TEX19: variants seen among roughly 807,000 people sequenced by gnomAD.
The protein encoded by TEX19 is testis expressed 19.
For synonymous variants in TEX19, 77 were observed against 73.9 expected (o/e 1.04, Z -0.21); for missense variants, 184 against 194.4 (o/e 0.95, Z 0.32).
At chr17:82,360,925 C>T (rs1175807138) in intron 1 of TEX19, among the ~76,000 whole-genome samples, 3 of 133,100 alleles carry the variant, frequency 2.3e-5, no homozygotes, top group African/African-American at 5.9e-5. Flanking sequence ...TCAGGTTCCC[C>T]CAGTTTCCCT....
At chr17:82,361,279 GTTTCCCCCA>G (rs2052390287) in intron 1 of TEX19, among the ~76,000 whole-genome samples, 1 of 7,814 alleles carries the variant, frequency 1.3e-4, no homozygotes, top group Non-Finnish European at 2.0e-4. Flanking sequence ...GTTTCCCTCA[GTTTCCCCCA>G]GTTTCCCTCA....
intron 1 of TEX19, 122 bp from the exon 2 acceptor site, chr17:82,361,758 T>C: frequency 9.6e-7 from 1 of 1,039,400 alleles, no homozygotes; most frequent in South Asian, 3.6e-5. Flanking sequence ...CTGTTCAAAC[T>C]GAGCAGGGTC....
Position 82,361,937 on chromosome 17 carries a change from C to T in TEX19, c.-214C>T. ...AAGACATTTCCAGAAGTTCAAGCTT[C>T]CACCCTCTGCAGGTCCCCACTGAGC... On this transcript the variant is annotated 5_prime_UTR_variant, in exon 2 of 2. Coordinates refer to ENST00000333437, the MANE Select transcript of TEX19 (RefSeq NM_207459.4). The T allele has an allele frequency of 1.3e-6, 1 of 758,210 alleles. No homozygotes were observed. Among genetic ancestry groups the T allele is most frequent in the South Asian group, 2.2e-5 (1 of 45,812 alleles). The allele number at this position is 758,210 out of a possible 1,614,324, so 47.0% of individuals were successfully genotyped here.
rs1179154699 is a variant in TEX19 at position 82,362,374 on chromosome 17, G to A, written c.224G>A (p.Gly75Glu). The A allele has an allele frequency of 6.2e-7, 1 of 1,613,508 alleles. No homozygotes were observed. The change falls in exon 2 of 2, where the codon GGG becomes GAG. Residue 75 changes from glycine (G) to glutamate (E), a missense_variant. Coordinates refer to ENST00000333437, the MANE Select transcript of TEX19 (RefSeq NM_207459.4). This position sits in a 1 kb window ranked among gnomAD's most constrained non-coding sequence, Gnocchi z 5.5. ...EHTEAESEQE[G>E]SSGMELSWGQ... The stretch of plus-strand genomic sequence containing the variant: ...ACTGAGGCAGAGTCAGAGCAGGAGG[G>A]GTCCTCAGGGATGGAGCTGAGCTGG...
chr17:82,362,895 C>G lies in TEX19; in HGVS notation c.*250C>G. 3 of 482,258 alleles carry G rather than the reference C, an allele frequency of 6.2e-6. No individual in the cohort carries two copies. The highest frequency in any genetic ancestry group is 2.0e-5 in the African/African-American group (1 of 51,070). 29.9% of individuals were successfully genotyped at this position (482,258 alleles called of 1,614,324 possible). A position where few individuals can be genotyped will look rare whatever the true frequency, so the allele number is the denominator to read the frequency against. ...GTGGGTGGTGAGACTCCAAGATGCACCCCAAGAGCAGGACCTGCACTGGTG... is the reference window on the plus strand; with the variant it reads ...GTGGGTGGTGAGACTCCAAGATGCAGCCCAAGAGCAGGACCTGCACTGGTG... On this transcript the variant is annotated 3_prime_UTR_variant, in exon 2 of 2. Transcript: ENST00000333437. This position sits in a 1 kb window ranked among gnomAD's most constrained non-coding sequence, Gnocchi z 5.5.
intron 1 of TEX19, among the ~76,000 whole-genome samples, chr17:82,360,595 G>A (rs1339681629): frequency 2.4e-5 from 2 of 82,750 alleles, no homozygotes; most frequent in Non-Finnish European, 4.6e-5. Context: ...TTTCCCTCAG[G>A]TTCCCCCAGT....
chr17:82,363,749 TA>T lies in TEX19; in HGVS notation c.*1109del, dbSNP rs35707032. 1 of 166,994 alleles carries T rather than the reference TA, an allele frequency of 6.0e-6. No homozygotes were observed. The highest frequency in any genetic ancestry group is 1.9e-4 in the East Asian group (1 of 5,186). 10.3% of individuals were successfully genotyped at this position (166,994 alleles called of 1,614,324 possible). A position where few individuals can be genotyped will look rare whatever the true frequency, so the allele number is the denominator to read the frequency against. Reference sequence around the variant, plus strand: ...TTGCTCTATATGTTGTTTTTAATTTTAAAAAGTCATAAAAGCTTTCAAACAA... The same window carrying T: ...TTGCTCTATATGTTGTTTTTAATTTTAAAAGTCATAAAAGCTTTCAAACAA... On this transcript the variant is annotated 3_prime_UTR_variant, in exon 2 of 2. Transcript: ENST00000333437.
chr17:82,362,127 C>G lies in TEX19; in HGVS notation c.-24C>G, dbSNP rs11651514. 128,439 of 1,579,960 alleles carry G rather than the reference C, an allele frequency of 0.081. 6,089 individuals carry two copies. The highest frequency in any genetic ancestry group is 0.093 in the Non-Finnish European group (108,381 of 1,164,538). ...AAGGCCCAGCTCTTGCTGTCCACCC[C>G]GGCAGTAGGCAGGCAGCCTGGCCAT... On this transcript the variant is annotated 5_prime_UTR_variant, in exon 2 of 2. Coordinates refer to ENST00000333437, the MANE Select transcript of TEX19 (RefSeq NM_207459.4). This position sits in a 1 kb window ranked among gnomAD's most constrained non-coding sequence, Gnocchi z 5.5.
intron 1 of TEX19, 52 bp from the exon 2 acceptor site, chr17:82,361,828 C>T (rs2052397205): frequency 3.7e-6 from 4 of 1,075,878 alleles, no homozygotes; most frequent in Non-Finnish European, 4.6e-6. Flanking sequence ...CCACAGTTTG[C>T]CCCCACCCTG....
Position 82,362,129 on chromosome 17 carries a change from G to C in TEX19, c.-22G>C, listed in dbSNP as rs759680481. The stretch of plus-strand genomic sequence containing the variant: ...GGCCCAGCTCTTGCTGTCCACCCCG[G>C]CAGTAGGCAGGCAGCCTGGCCATGT... On this transcript the variant is annotated 5_prime_UTR_variant, in exon 2 of 2. Transcript: ENST00000333437. This position sits in a 1 kb window ranked among gnomAD's most constrained non-coding sequence, Gnocchi z 5.5. The C allele has an allele frequency of 2.5e-6, 4 of 1,582,554 alleles. No individual in the cohort carries two copies. The highest frequency in any genetic ancestry group is 2.6e-6 in the Non-Finnish European group (3 of 1,165,810).
At chr17:82,361,490 GTTCCCCCAGT>G (rs200513409) in intron 1 of TEX19, 1 of 415,824 alleles carries the variant, frequency 2.4e-6, no homozygotes, top group African/African-American at 3.2e-5. Context: ...TTTCTCTCAG[GTTCCCCCAGT>G]TTCCCTCAGT....
At chr17:82,361,059 G>GTTCCCTCAGT (rs2052387083) in intron 1 of TEX19, among the ~76,000 whole-genome samples, 1 of 137,044 alleles carries the variant, frequency 7.3e-6, no homozygotes, top group Non-Finnish European at 1.6e-5. Context: ...TTTCCCTCAG[G>GTTCCCTCAGT]TTCCCCCAGT....
At chr17:82,359,436 AG>A (rs1164204907) in intron 1 of TEX19, among the ~76,000 whole-genome samples, 151 bp downstream of exon 1, 1,630 of 141,876 alleles carry the variant, frequency 0.011, 14 homozygotes, top group African/African-American at 0.022. Flanking sequence ...AGGTTCCCTA[AG>A]GTTCTCCAAG....
rs1453194833 is a variant in TEX19, at chr17:82,362,406, A to G, written c.256A>G (p.Ser86Gly). Residue 86 changes from serine (S) to glycine (G), a missense_variant, in exon 2 of 2, where the codon AGC (serine) becomes GGC (glycine). Coordinates refer to ENST00000333437, the MANE Select transcript of TEX19 (RefSeq NM_207459.4). The surrounding 1 kb of genome is among the most constrained non-coding windows in gnomAD (Gnocchi z 5.5). Reference protein sequence around the residue: ...SSGMELSWGQSPGQPVQGGSE... With the variant: ...SSGMELSWGQGPGQPVQGGSE... The stretch of plus-strand genomic sequence containing the variant: ...AGGGATGGAGCTGAGCTGGGGGCAG[A>G]GCCCAGGACAGCCTGTGCAGGGGGG... 1 of 1,613,074 alleles carries G rather than the reference A, an allele frequency of 6.2e-7. No homozygotes were observed. Among genetic ancestry groups the G allele is most frequent in the African/African-American group, 1.3e-5 (1 of 75,036 alleles).
rs907345615 is a variant in TEX19 at position 82,362,900 on chromosome 17, A to G, written c.*255A>G. On this transcript the variant is annotated 3_prime_UTR_variant, in exon 2 of 2. Transcript: ENST00000333437. The surrounding 1 kb of genome is among the most constrained non-coding windows in gnomAD (Gnocchi z 5.5). ...TGGTGAGACTCCAAGATGCACCCCA[A>G]GAGCAGGACCTGCACTGGTGGATGC... 2 of 475,790 alleles carry G rather than the reference A, an allele frequency of 4.2e-6. No homozygotes were observed. The highest frequency in any genetic ancestry group is 3.9e-5 in the Admixed American group (1 of 25,622). The allele number at this position is 475,790 out of a possible 1,614,324, so 29.5% of individuals were successfully genotyped here.
At chr17:82,359,914 CAGTTTCCCTCAGTTTCCCTCA>C (rs2052367721) in intron 1 of TEX19, among the ~76,000 whole-genome samples, 2 of 125,244 alleles carry the variant, frequency 1.6e-5, no homozygotes, top group African/African-American at 3.3e-5. Context: ...CAGGTTCCCC[CAGTTTCCCTCAGTTTCCCTCA>C]AGTTTCCCTC....
At chr17:82,360,381 A>G (rs1599668145) in intron 1 of TEX19, among the ~76,000 whole-genome samples, 2 of 58,742 alleles carry the variant, frequency 3.4e-5, no homozygotes, top group South Asian at 9.5e-4. Flanking sequence ...GTTTCCCTCA[A>G]GTTTCCCTCA....
intron 1 of TEX19, among the ~76,000 whole-genome samples, chr17:82,360,934 C>T (rs1404649484): frequency 1.5e-5 from 2 of 133,304 alleles, no homozygotes; most frequent in African/African-American, 3.0e-5. Flanking sequence ...CCCAGTTTCC[C>T]TCAGGTTCCC....
rs1438998547 is a variant in TEX19 at position 82,361,065 on chromosome 17, CCAGTTTCCCT to C, written c.-271-801_-271-792del. 5.7e-3 allele frequency among the ~76,000 whole-genome samples: 763 copies of C among 133,368 alleles called. 2 individuals are homozygous for C. The highest frequency in any genetic ancestry group is 8.4e-3 in the Non-Finnish European group (513 of 61,222). 87.5% of individuals were successfully genotyped at this position (133,368 alleles called of 152,430 possible). The stretch of plus-strand genomic sequence containing the variant: ...TTCCCCCAGTTTCCCTCAGGTTCCC[CCAGTTTCCCT>C]CAGTTTCCCTCAGGTTTCCTCAAGT... On this transcript the variant is annotated intron_variant, in intron 1 of 1. Coordinates refer to ENST00000333437, the MANE Select transcript of TEX19 (RefSeq NM_207459.4).
Sources: gnomAD v4.1 joint callset for allele counts (sites outside exome capture counted in the v4.1 genomes callset) on GRCh38, gnomAD v4.1.1 for gene constraint, Gnocchi (gnomAD v3.1) non-coding constraint, MANE v1.5 for transcripts, NCBI Gene and HGNC (gene_info 2026-07-23, HGNC 2026-07-21) for gene names.